ACSS2: variants seen among roughly 807,000 people sequenced by gnomAD.
ACSS2 encodes the protein acetyl-coenzyme A synthetase, cytoplasmic.
Under a neutral mutation model 90.6 loss-of-function variants are expected in ACSS2, and 58 were observed. The observed-to-expected ratio is 0.64, with a 90% confidence interval of 0.52 to 0.80. The LOEUF (loss-of-function observed/expected upper bound fraction) is 0.80, where lower values mean the gene tolerates loss of function less well. ACSS2 is among the 30% of genes least tolerant of loss of function. The pLI is 0.00. For synonymous variants in ACSS2, 300 were observed against 330.9 expected (o/e 0.91, Z 1.01); for missense variants, 759 against 912.0 (o/e 0.83, Z 2.16).
intron 7 of ACSS2, among the ~76,000 whole-genome samples, chr20:34,918,134 T>C (rs6088646): frequency 0.55 from 83,184 of 152,024 alleles, 23,435 homozygotes; most frequent in South Asian, 0.74. Context: ...CTTCCTCATC[T>C]CACCCCAACC....
rs1257656267 is a variant in ACSS2, at chr20:34,882,761, T to G, written c.179-33T>G. 3.7e-6 allele frequency: 6 copies of G among 1,600,484 alleles called. No individual in the cohort carries two copies. The East Asian group carries it at 8.9e-5, about 24-fold the overall frequency. ...CTGAGGCTAAATATGTCTCAGAAGA[T>G]TAATGATATCTGGGCTTCCATTTCT... On this transcript the variant is annotated intron_variant, in intron 1 of 17. Coordinates refer to ENST00000360596, the MANE Select transcript of ACSS2 (RefSeq NM_018677.4).
intron 2 of ACSS2, among the ~76,000 whole-genome samples, chr20:34,888,359 A>G (rs1186643900): frequency 6.6e-6 from 1 of 152,160 alleles, no homozygotes; most frequent in East Asian, 1.9e-4. Flanking sequence ...GTTTTGTAAG[A>G]TTGAATAGGA....
chr20:34,923,825 C>T lies in ACSS2; in HGVS notation c.1657+394C>T, dbSNP rs557513572. 6.6e-4 allele frequency among the ~76,000 whole-genome samples: 98 copies of T among 147,982 alleles called. 1 individual carries two copies. Among genetic ancestry groups the T allele is most frequent in the African/African-American group, 2.2e-3 (89 of 40,130 alleles). ...GTCCCCCCCGCCCCCCCCACCTCCC[C>T]GGCCTTGACCAAAACACCTCCCACC... On this transcript the variant is annotated intron_variant, in intron 14 of 17. Coordinates refer to ENST00000360596, the MANE Select transcript of ACSS2 (RefSeq NM_018677.4).
At chr20:34,907,656 G>A (rs748690823) in intron 2 of ACSS2, among the ~76,000 whole-genome samples, 6 of 152,152 alleles carry the variant, frequency 3.9e-5, no homozygotes, top group Non-Finnish European at 8.8e-5. Context: ...TTGCATATGG[G>A]GACACATGTG....
rs1459709293 is a variant in ACSS2 at position 34,883,115 on chromosome 20, G to A, written c.374+126G>A. 4 of 656,970 alleles carry A rather than the reference G, an allele frequency of 6.1e-6. No individual in the cohort carries two copies. The African/African-American group carries it at 7.4e-5, about 12-fold the overall frequency. 40.7% of individuals were successfully genotyped at this position (656,970 alleles called of 1,614,324 possible). A position where few individuals can be genotyped will look rare whatever the true frequency, so the allele number is the denominator to read the frequency against. ...AGGTGAGGAAAAATACCTCAAGGAA[G>A]CTACATGACTTCCTTCAGATCACAT... On this transcript the variant is annotated intron_variant, in intron 2 of 17. Coordinates refer to ENST00000360596, the MANE Select transcript of ACSS2 (RefSeq NM_018677.4).
intron 8 of ACSS2, 24 bp downstream of exon 8, chr20:34,919,596 TGTG>T: frequency 6.4e-7 from 1 of 1,567,018 alleles, no homozygotes; most frequent in South Asian, 1.1e-5. Context: ...TGTGTGTGTG[TGTG>T]TGTGTGTGTG....
At position 34,911,884 on chromosome 20, in the gene ACSS2, G is replaced by T. The variant is rs188959043; in HGVS notation, c.375-1212G>T. Among the ~76,000 whole-genome samples the T allele has an allele frequency of 5.5e-3, 841 of 152,066 alleles. 10 individuals are homozygous for T. Among genetic ancestry groups the T allele is most frequent in the African/African-American group, 0.02 (818 of 41,476 alleles). On this transcript the variant is annotated intron_variant, in intron 2 of 17. Transcript: ENST00000360596. ...CGCCCAGGCTGGAGTGCAGTGGCGT[G>T]ATCTTGGCTCACCACAACCTCCACC... is the stretch of plus-strand genomic sequence containing the variant.
chr20:34,889,296 G>A (rs1468975085), intron 2 of ACSS2, among the ~76,000 whole-genome samples: 2 of 151,544 alleles, frequency 1.3e-5, no homozygotes, highest in Admixed American at 1.3e-4. Flanking sequence ...CTAATTTTTT[G>A]TATTTTTAGT....
chr20:34,904,051 A>C (rs1306277660), intron 2 of ACSS2, among the ~76,000 whole-genome samples: 1 of 152,122 alleles, frequency 6.6e-6, no homozygotes. Context: ...ATAATGGGAA[A>C]GATAAGGCCC....
At chr20:34,883,322 A>G (rs1432100363) in intron 2 of ACSS2, among the ~76,000 whole-genome samples, 1 of 152,230 alleles carries the variant, frequency 6.6e-6, no homozygotes, top group Non-Finnish European at 1.5e-5. Context: ...CACCACCACT[A>G]CTACCACTAC....
chr20:34,925,807 TC>T, intron 15 of ACSS2, 41 bp downstream of exon 15: 1 of 1,595,898 alleles, frequency 6.3e-7, no homozygotes, highest in Non-Finnish European at 8.5e-7. Flanking sequence ...TTAACTCTGC[TC>T]CTCTGACAAC....
At chr20:34,904,774 A>G (rs1407966467) in intron 2 of ACSS2, among the ~76,000 whole-genome samples, 2 of 152,292 alleles carry the variant, frequency 1.3e-5, no homozygotes, top group African/African-American at 4.8e-5. Context: ...ACTGTGTACC[A>G]TGGGTTGTCA....
intron 2 of ACSS2, among the ~76,000 whole-genome samples, chr20:34,908,087 G>A (rs898962897): frequency 2.0e-5 from 3 of 152,146 alleles, no homozygotes; most frequent in African/African-American, 7.2e-5. Flanking sequence ...TCCTTCATAA[G>A]TGCTCTGTGC....
chr20:34,925,743 T>C lies in ACSS2; in HGVS notation c.1703T>C (p.Ile568Thr), dbSNP rs779093164. 1.2e-5 allele frequency: 19 copies of C among 1,613,490 alleles called. No homozygotes were observed. Among genetic ancestry groups the C allele is most frequent in the Non-Finnish European group, 1.4e-5 (16 of 1,179,872 alleles). ...GGCTATTACTGGATCACTGGCAGGA[T>C]TGATGACATGCTCAATGTATCTGGT... is the stretch of plus-strand genomic sequence containing the variant. ...QDGYYWITGRIDDMLNVSGHL... is the reference protein window; with the variant it reads ...QDGYYWITGRTDDMLNVSGHL... Residue 568 changes from isoleucine (I) to threonine (T), a missense_variant, in exon 15 of 18, where the codon ATT (isoleucine) becomes ACT (threonine). Ile to Thr is a moderately conservative substitution (Grantham distance 89). Coordinates refer to ENST00000360596, the MANE Select transcript of ACSS2 (RefSeq NM_018677.4).
At chr20:34,919,322 C>T (rs2081141815) in intron 7 of ACSS2, 113 bp from the exon 8 acceptor site, 1 of 1,509,482 alleles carries the variant, frequency 6.6e-7, no homozygotes, top group Middle Eastern at 2.3e-4. Context: ...GCCTTCTCTC[C>T]CTTCCTGTAC....
In ACSS2 at chr20:34,913,185, AG is replaced by A; in HGVS notation, c.466+1del. ...VCQFSNVLRK[Q>X]GIQKGDRVAI... ...CAGTTCAGCAATGTTCTCCGAAAACAGGGTGAGTGTGGGGGTGTGGGAAAGG... is the reference window on the plus strand; with the variant it reads ...CAGTTCAGCAATGTTCTCCGAAAACAGGTGAGTGTGGGGGTGTGGGAAAGG... On this transcript the variant is annotated frameshift_variant and splice_region_variant, in exon 3 of 18. Coordinates refer to ENST00000360596, the MANE Select transcript of ACSS2 (RefSeq NM_018677.4). LOFTEE classifies it high-confidence loss of function. 1 of 1,614,108 alleles carries A rather than the reference AG, an allele frequency of 6.2e-7. No homozygotes were observed. Among genetic ancestry groups the A allele is most frequent in the Non-Finnish European group, 8.5e-7 (1 of 1,180,004 alleles).
In ACSS2 at chr20:34,927,551, C is replaced by A. The variant is rs943142702; in HGVS notation, c.*337C>A. The A allele has an allele frequency of 3.2e-6, 1 of 312,734 alleles. No individual in the cohort carries two copies. The highest frequency in any genetic ancestry group is 6.0e-6 in the Non-Finnish European group (1 of 165,412). 19.4% of individuals were successfully genotyped at this position (312,734 alleles called of 1,614,324 possible). Reference sequence around the variant, plus strand: ...TGAAGCAGGGAGGCAGCTGTGTAATCCTATGTCAGCTCTCTTAGGAAGCCC... The same window carrying A: ...TGAAGCAGGGAGGCAGCTGTGTAATACTATGTCAGCTCTCTTAGGAAGCCC... On this transcript the variant is annotated 3_prime_UTR_variant, in exon 18 of 18. Coordinates refer to ENST00000360596, the MANE Select transcript of ACSS2 (RefSeq NM_018677.4). This position sits in a 1 kb window ranked among gnomAD's most constrained non-coding sequence, Gnocchi z 4.2.
chr20:34,899,433 T>G (rs2080583034), intron 2 of ACSS2, among the ~76,000 whole-genome samples: 1 of 136,304 alleles, frequency 7.3e-6, no homozygotes, highest in African/African-American at 2.8e-5. Flanking sequence ...TTTCCTTCCT[T>G]CCTTCCTTCC....
chr20:34,912,135 T>G (rs1376300129), intron 2 of ACSS2, among the ~76,000 whole-genome samples: 1 of 152,198 alleles, frequency 6.6e-6, no homozygotes, highest in Non-Finnish European at 1.5e-5. Flanking sequence ...GCCTTATTTC[T>G]ATACATGTAG....
Sources: gnomAD v4.1 joint callset for allele counts (sites outside exome capture counted in the v4.1 genomes callset) on GRCh38, gnomAD v4.1.1 for gene constraint, Gnocchi (gnomAD v3.1) non-coding constraint, MANE v1.5 for transcripts, NCBI Gene and HGNC (gene_info 2026-07-23, HGNC 2026-07-21) for gene names.